Variants in DLG2 observed in about 807,000 individuals in gnomAD.
The protein encoded by DLG2 is discs large MAGUK scaffold protein 2.
Under a neutral mutation model 132.5 loss-of-function variants are expected in DLG2, and 45 were observed. The ratio of observed to expected loss-of-function variants is 0.34; its 90% confidence interval spans 0.27 to 0.44. DLG2 has a LOEUF of 0.44. Among genes scored for constraint, DLG2 ranks in the 20% least tolerant of loss-of-function variants. The pLI is 1.00. For missense variants in DLG2, 1,045 were observed against 1,196.9 expected, an observed-to-expected ratio of 0.87 and a Z score of 1.87; for synonymous variants, 424 against 419.6, an observed-to-expected ratio of 1.01 and a Z score of -0.13.
At position 83,895,321 on chromosome 11, in the gene DLG2, G is replaced by A. The variant is rs552967962; in HGVS notation, c.1497-20833C>T. Among the ~76,000 whole-genome samples the A allele has an allele frequency of 5.9e-5, 9 of 151,946 alleles. No individual in the cohort carries two copies. In the South Asian group the frequency reaches 1.9e-3, roughly 32 times the overall value. On this transcript the variant is annotated intron_variant, in intron 15 of 27. Transcript: ENST00000376104. The stretch of plus-strand genomic sequence containing the variant: ...ATTACAGGCATGTCCCACCACGTCT[G>A]GCTAATTTTTGTATTTTTAGTAGAG...
At chr11:83,712,534 G>A (rs992318806) in intron 18 of DLG2, among the ~76,000 whole-genome samples, 1 of 152,116 alleles carries the variant, frequency 6.6e-6, no homozygotes. Context: ...GGAGGCTGAG[G>A]TGGGAGAATT....
intron 11 of DLG2, among the ~76,000 whole-genome samples, chr11:83,989,288 C>G (rs2093563895): frequency 6.6e-6 from 1 of 152,132 alleles, no homozygotes; most frequent in Admixed American, 6.6e-5. Context: ...ACAGCAGAGG[C>G]AGCTTCACTT....
At chr11:85,022,258 A>G (rs760934927) in intron 6 of DLG2, among the ~76,000 whole-genome samples, 1 of 151,626 alleles carries the variant, frequency 6.6e-6, no homozygotes, top group African/African-American at 2.4e-5. Context: ...AGAATGAAAC[A>G]CTAAAAAGAA....
At chr11:85,398,770 T>G (rs2087696211) in intron 3 of DLG2, among the ~76,000 whole-genome samples, 1 of 151,962 alleles carries the variant, frequency 6.6e-6, no homozygotes, top group Non-Finnish European at 1.5e-5. Flanking sequence ...GTTCCAAAAT[T>G]GAGGCGATAA....
At chr11:85,499,244 T>C (rs1272378725) in intron 3 of DLG2, among the ~76,000 whole-genome samples, 1 of 151,298 alleles carries the variant, frequency 6.6e-6, no homozygotes, top group Non-Finnish European at 1.5e-5. Context: ...ATAGACGCAA[T>C]AAAAAATGAT....
chr11:84,240,179 G>C (rs1330800395), intron 8 of DLG2, among the ~76,000 whole-genome samples: 1 of 152,152 alleles, frequency 6.6e-6, no homozygotes, highest in East Asian at 1.9e-4. Flanking sequence ...ATGGTGGTAG[G>C]CCTCTTGGAC....
intron 3 of DLG2, among the ~76,000 whole-genome samples, chr11:85,542,067 T>C (rs908540305): frequency 5.3e-5 from 8 of 152,208 alleles, no homozygotes; most frequent in Admixed American, 4.6e-4. Flanking sequence ...AACTCCAGAA[T>C]TGAGAAAACC....
intron 9 of DLG2, among the ~76,000 whole-genome samples, chr11:84,147,860 G>T (rs370787017): frequency 1.4e-4 from 21 of 151,900 alleles, no homozygotes; most frequent in African/African-American, 4.3e-4. Context: ...AAAAAGGTGG[G>T]GGTAGATAAA....
chr11:83,761,848 C>G (rs188599208), intron 18 of DLG2, among the ~76,000 whole-genome samples: 1 of 152,312 alleles, frequency 6.6e-6, no homozygotes, highest in East Asian at 1.9e-4. Context: ...CTCAACAAAT[C>G]TTACTTAAAT....
At chr11:84,300,943 A>G (rs981907855) in intron 7 of DLG2, among the ~76,000 whole-genome samples, 1 of 152,114 alleles carries the variant, frequency 6.6e-6, no homozygotes, top group Non-Finnish European at 1.5e-5. Flanking sequence ...AGTCTCTCTT[A>G]TTTTCCAGTA....
At chr11:84,211,309 TTGAG>T (rs1388227322) in intron 8 of DLG2, among the ~76,000 whole-genome samples, 1 of 152,210 alleles carries the variant, frequency 6.6e-6, no homozygotes, top group Non-Finnish European at 1.5e-5. Flanking sequence ...GCCTAGGTAA[TTGAG>T]TATTATCCTA....
At chr11:83,678,218 A>G (rs1715599111) in intron 18 of DLG2, among the ~76,000 whole-genome samples, 1 of 152,164 alleles carries the variant, frequency 6.6e-6, no homozygotes, top group African/African-American at 2.4e-5. Flanking sequence ...TCCTTCTTCA[A>G]ATGATTTCTT....
At chr11:84,754,699 T>C (rs1409769548) in intron 6 of DLG2, among the ~76,000 whole-genome samples, 21 of 152,164 alleles carry the variant, frequency 1.4e-4, no homozygotes, top group Admixed American at 1.4e-3. Context: ...CCTTACAATG[T>C]TTTAATCATG....
rs553268777 is a variant in DLG2 at position 83,906,917 on chromosome 11, C to A, written c.1496+23411G>T. ...GTTTATCGGTAACATAAAATAAGCA[C>A]AGAAATTACCGTATATACCTAATAT... On this transcript the variant is annotated intron_variant, in intron 15 of 27. Transcript: ENST00000376104. Among the ~76,000 whole-genome samples, 6 of 152,258 alleles carry A rather than the reference C, an allele frequency of 3.9e-5. No homozygotes were observed. The South Asian group carries it at 1.2e-3, about 32-fold the overall frequency.
chr11:85,288,696 A>C (rs1353138355), intron 3 of DLG2, among the ~76,000 whole-genome samples: 1 of 152,070 alleles, frequency 6.6e-6, no homozygotes, highest in African/African-American at 2.4e-5. Flanking sequence ...AAAAGAAAAA[A>C]AAGAATTTCT....
At chr11:84,397,315 C>T (rs1275370007) in intron 7 of DLG2, among the ~76,000 whole-genome samples, 1 of 152,184 alleles carries the variant, frequency 6.6e-6, no homozygotes, top group East Asian at 1.9e-4. Flanking sequence ...ATTATACTGA[C>T]TAATACAATT....
intron 4 of DLG2, among the ~76,000 whole-genome samples, chr11:85,221,857 A>G (rs941304667): frequency 2.6e-5 from 4 of 152,110 alleles, no homozygotes; most frequent in Middle Eastern, 6.8e-3. Context: ...TCACATTTTT[A>G]TTTTGTGTAA....
chr11:84,388,414 T>C (rs1210769399), intron 7 of DLG2, among the ~76,000 whole-genome samples: 1 of 152,092 alleles, frequency 6.6e-6, no homozygotes, highest in East Asian at 1.9e-4. Flanking sequence ...AACCTCCCAC[T>C]AGTCTTTGGT....
intron 15 of DLG2, among the ~76,000 whole-genome samples, chr11:83,927,871 G>A (rs1399276762): frequency 1.3e-5 from 2 of 152,050 alleles, no homozygotes; most frequent in Non-Finnish European, 2.9e-5. Context: ...AGAATCAACA[G>A]GACTTGAAGA....
Sources: allele counts gnomAD v4.1 joint callset (sites outside exome capture counted in the v4.1 genomes callset), GRCh38; gene constraint gnomAD v4.1.1; transcripts MANE v1.5; gene names NCBI Gene and HGNC (gene_info 2026-07-23, HGNC 2026-07-21).